Variants in CHD2 observed in about 807,000 individuals in gnomAD.
The protein encoded by CHD2 is ATP-dependent chromatin remodeler CHD2.
A neutral mutation model predicts 243.9 loss-of-function variants in CHD2; 28 were observed. That is an observed-to-expected ratio of 0.11 (90% CI 0.09 to 0.16). The LOEUF is 0.16. Among genes scored for constraint, CHD2 ranks in the 10% least tolerant of loss-of-function variants. CHD2 has a pLI of 1.00. For missense variants in CHD2, 1,386 were observed against 2,209.8 expected (o/e 0.63, Z 7.47); for synonymous variants, 775 against 779.0 (o/e 0.99, Z 0.09).
Position 92,998,987 on chromosome 15 carries a change from G to A in CHD2, c.4008+366G>A, listed in dbSNP as rs567482856. Reference sequence around the variant, plus strand: ...TAATCCCAGCTACTTAGGAGGCTGAGGCAGGAGAATGGTGTGAACCCGGGA... The same window carrying A: ...TAATCCCAGCTACTTAGGAGGCTGAAGCAGGAGAATGGTGTGAACCCGGGA... On this transcript the variant is annotated intron_variant, in intron 31 of 38. Transcript: ENST00000394196. This position sits in a 1 kb window ranked among gnomAD's most constrained non-coding sequence, Gnocchi z 5.1. Among the ~76,000 whole-genome samples, 88 of 150,896 alleles carry A rather than the reference G, an allele frequency of 5.8e-4. No individual in the cohort carries two copies. The highest frequency in any genetic ancestry group is 2.0e-3 in the African/African-American group (83 of 40,974).
intron 2 of CHD2, among the ~76,000 whole-genome samples, chr15:92,907,687 A>G (rs1292309005): frequency 6.6e-6 from 1 of 152,222 alleles, no homozygotes; most frequent in African/African-American, 2.4e-5. Flanking sequence ...TCATTGGGTC[A>G]TGAAGATTAA....
At chr15:92,911,242 C>G (rs1462335718) in intron 2 of CHD2, among the ~76,000 whole-genome samples, 2 of 152,166 alleles carry the variant, frequency 1.3e-5, no homozygotes, top group Non-Finnish European at 2.9e-5. Context: ...TCCTAAGAAT[C>G]TAGAACTTGT....
At position 92,984,356 on chromosome 15, in the gene CHD2, T is replaced by G; in HGVS notation, c.3093T>G (p.Asp1031Glu). ...TTGCCAACTTTGCAACAATGGAAGA[T>G]GAAGAAGAGCTAGAAGAGCGTCCTC... ...FKVANFATME[D>E]EEELEERPHK... Residue 1031 changes from aspartate (D) to glutamate (E), a missense_variant, in exon 25 of 39, where the codon GAT becomes GAG. Coordinates refer to ENST00000394196, the MANE Select transcript of CHD2 (RefSeq NM_001271.4). 1 of 1,586,654 alleles carries G rather than the reference T, an allele frequency of 6.3e-7. No individual in the cohort carries two copies. The highest frequency in any genetic ancestry group is 8.6e-7 in the Non-Finnish European group (1 of 1,167,448).
chr15:92,926,013 C>G (rs2053053851), intron 3 of CHD2, among the ~76,000 whole-genome samples: 1 of 152,158 alleles, frequency 6.6e-6, no homozygotes, highest in Non-Finnish European at 1.5e-5. Flanking sequence ...GCTCTGTCCC[C>G]CAGGCTGGAG....
chr15:92,953,295 C>G, intron 13 of CHD2, 62 bp from the exon 14 acceptor site: 1 of 1,375,836 alleles, frequency 7.3e-7, no homozygotes, highest in Non-Finnish European at 1.0e-6. Flanking sequence ...GCTGTTTATG[C>G]ACATTCTGTG....
intron 5 of CHD2, among the ~76,000 whole-genome samples, chr15:92,929,863 C>G (rs538018779): frequency 2.6e-5 from 4 of 151,818 alleles, no homozygotes; most frequent in African/African-American, 4.8e-5. Flanking sequence ...TATTATTACT[C>G]TTTAGTAAGT....
intron 37 of CHD2, among the ~76,000 whole-genome samples, chr15:93,019,174 T>C (rs1335141875): frequency 1.3e-5 from 2 of 152,152 alleles, no homozygotes; most frequent in East Asian, 3.9e-4. Flanking sequence ...GTGTGCAGAA[T>C]AGGGAAGAAT....
chr15:93,001,438 G>C (rs910059145), intron 32 of CHD2, among the ~76,000 whole-genome samples: 3 of 152,194 alleles, frequency 2.0e-5, no homozygotes, highest in African/African-American at 7.2e-5. Context: ...ATTGTACTTG[G>C]ATATTAGCTC....
chr15:92,922,830 C>T (rs1358764423), intron 2 of CHD2, among the ~76,000 whole-genome samples: 1 of 152,128 alleles, frequency 6.6e-6, no homozygotes, highest in East Asian at 1.9e-4. Flanking sequence ...CCCTCAGTTG[C>T]TTTTTCACCA....
chr15:93,010,432 A>G (rs1294667640), intron 35 of CHD2, among the ~76,000 whole-genome samples: 1 of 113,790 alleles, frequency 8.8e-6, no homozygotes, highest in East Asian at 2.6e-4. Context: ...TTTTTTTTTT[A>G]AATGAGACAG....
chr15:92,943,251 G>GTTTT lies in CHD2; in HGVS notation c.1052+184_1052+185insTTTT, dbSNP rs1230226045. 24 of 586,404 alleles carry GTTTT rather than the reference G, an allele frequency of 4.1e-5. No homozygotes were observed. In the Admixed American group the frequency reaches 4.3e-4, roughly 11 times the overall value. 36.3% of individuals were successfully genotyped at this position (586,404 alleles called of 1,614,324 possible). A position where few individuals can be genotyped will look rare whatever the true frequency, so the allele number is the denominator to read the frequency against. On this transcript the variant is annotated intron_variant, in intron 9 of 38. Coordinates refer to ENST00000394196, the MANE Select transcript of CHD2 (RefSeq NM_001271.4). ...ACCTTCAGATACTATATTTTTATAT[G>GTTTT]TGGCTACCAAGTTTTTGGAGTTAAC... is the stretch of plus-strand genomic sequence containing the variant.
In CHD2 at chr15:92,937,705, G is replaced by A. The variant is rs114302923; in HGVS notation, c.551+80G>A. The A allele has an allele frequency of 5.0e-4, 539 of 1,073,510 alleles. 1 individual carries two copies. In the African/African-American group the frequency reaches 7.8e-3, roughly 15 times the overall value. The allele number at this position is 1,073,510 out of a possible 1,614,324, so 66.5% of individuals were successfully genotyped here. On this transcript the variant is annotated intron_variant, in intron 6 of 38. Transcript: ENST00000394196. ...GGGAAGGATAATGTCGTGCTGAAATGAGAGCTTTAATGAGATGCATTGTGT... is the reference window on the plus strand; with the variant it reads ...GGGAAGGATAATGTCGTGCTGAAATAAGAGCTTTAATGAGATGCATTGTGT...
chr15:92,955,348 C>T (rs1202901942), intron 14 of CHD2, 75 bp from the exon 15 acceptor site: 1 of 810,336 alleles, frequency 1.2e-6, no homozygotes. Context: ...GTTTCTATTA[C>T]ATCAATCACA....
intron 27 of CHD2, among the ~76,000 whole-genome samples, chr15:92,992,315 C>T (rs540658489): frequency 1.3e-5 from 2 of 152,252 alleles, no homozygotes; most frequent in South Asian, 2.1e-4. Flanking sequence ...TGTTTTTGGG[C>T]CAGTTACCGT....
At chr15:93,017,743 C>T (rs1222893668) in intron 37 of CHD2, among the ~76,000 whole-genome samples, 1 of 152,114 alleles carries the variant, frequency 6.6e-6, no homozygotes, top group Non-Finnish European at 1.5e-5. Flanking sequence ...GTTCTATGTT[C>T]TGTAATCTTA....
At chr15:93,018,163 A>G (rs1216217148) in intron 37 of CHD2, among the ~76,000 whole-genome samples, 1 of 152,262 alleles carries the variant, frequency 6.6e-6, no homozygotes, top group African/African-American at 2.4e-5. Context: ...CTCACTTTCC[A>G]TTTGATATGA....
chr15:92,968,931 A>G (rs2053803099), intron 17 of CHD2, among the ~76,000 whole-genome samples: 1 of 152,158 alleles, frequency 6.6e-6, no homozygotes, highest in Non-Finnish European at 1.5e-5. Context: ...TGCTATCTGG[A>G]ATGATTAAGT....
intron 2 of CHD2, among the ~76,000 whole-genome samples, chr15:92,919,283 A>G (rs764094148): frequency 7.9e-5 from 12 of 151,726 alleles, no homozygotes; most frequent in Non-Finnish European, 1.3e-4. Context: ...GAAGTATGAA[A>G]ATTAAGTAAT....
At chr15:92,912,425 C>T (rs566803578) in intron 2 of CHD2, among the ~76,000 whole-genome samples, 8 of 152,292 alleles carry the variant, frequency 5.3e-5, no homozygotes, top group South Asian at 2.1e-4. Context: ...GGCGCAGTCT[C>T]GGCTTACTGT....
Sources: gnomAD v4.1 joint callset for allele counts (sites outside exome capture counted in the v4.1 genomes callset) on GRCh38, gnomAD v4.1.1 for gene constraint, Gnocchi (gnomAD v3.1) non-coding constraint, MANE v1.5 for transcripts, NCBI Gene and HGNC (gene_info 2026-07-23, HGNC 2026-07-21) for gene names.